ST6GALNAC3: variants seen among roughly 807,000 people sequenced by gnomAD.
ST6GALNAC3 encodes the protein ST6 N-acetylgalactosaminide alpha-2,6-sialyltransferase 3.
ST6GALNAC3 carries 25 observed loss-of-function variants against 32.7 expected under a neutral mutation model. The ratio of observed to expected loss-of-function variants is 0.76; its 90% CI spans 0.56 to 1.07. ST6GALNAC3 has a LOEUF of 1.07. Among genes scored for constraint, ST6GALNAC3 ranks in the 50% least tolerant of loss-of-function variants. The pLI, the probability that ST6GALNAC3 is intolerant of heterozygous loss-of-function variation, is 0.00. For missense variants in ST6GALNAC3, 355 were observed against 382.4 expected, an observed-to-expected ratio of 0.93 and a Z score of 0.60; for synonymous variants, 129 against 133.1, an observed-to-expected ratio of 0.97 and a Z score of 0.21.
chr1:76,339,571 G>A (rs186552553), intron 2 of ST6GALNAC3, among the ~76,000 whole-genome samples: 1 of 152,238 alleles, frequency 6.6e-6, no homozygotes, highest in East Asian at 1.9e-4. Context: ...AATGCATTAA[G>A]GAAGGCATTT....
intron 1 of ST6GALNAC3, among the ~76,000 whole-genome samples, chr1:76,244,138 A>T (rs1047432343): frequency 1.3e-5 from 2 of 151,816 alleles, no homozygotes; most frequent in Non-Finnish European, 2.9e-5. Flanking sequence ...AGTGGTTTGT[A>T]GTTCTTCTTG....
intron 1 of ST6GALNAC3, among the ~76,000 whole-genome samples, chr1:76,299,158 G>A (rs1186084319): frequency 6.6e-6 from 1 of 152,076 alleles, no homozygotes; most frequent in African/African-American, 2.4e-5. Flanking sequence ...TGTAAATTAT[G>A]TGTTTTCGAA....
At chr1:76,308,222 A>C (rs530707614) in intron 1 of ST6GALNAC3, among the ~76,000 whole-genome samples, 1 of 152,284 alleles carries the variant, frequency 6.6e-6, no homozygotes, top group South Asian at 2.1e-4. Flanking sequence ...TGGTCTGACC[A>C]GTGCTCAACA....
intron 1 of ST6GALNAC3, among the ~76,000 whole-genome samples, chr1:76,254,480 G>A (rs943868225): frequency 6.6e-6 from 1 of 152,072 alleles, no homozygotes; most frequent in African/African-American, 2.4e-5. Flanking sequence ...GTAAGCAGTG[G>A]GCAGAGTTTA....
chr1:76,383,104 G>A (rs1307932546), intron 2 of ST6GALNAC3, among the ~76,000 whole-genome samples: 1 of 152,164 alleles, frequency 6.6e-6, no homozygotes, highest in African/African-American at 2.4e-5. Context: ...GAATCCAGAA[G>A]TCGATGAAGT....
intron 1 of ST6GALNAC3, among the ~76,000 whole-genome samples, chr1:76,215,337 T>C (rs974496840): frequency 6.6e-6 from 1 of 152,216 alleles, no homozygotes; most frequent in Non-Finnish European, 1.5e-5. Context: ...CACTGTGTGA[T>C]GTGGCTGCCA....
intron 1 of ST6GALNAC3, chr1:76,309,869 G>A (rs1195088936): frequency 2.3e-6 from 1 of 442,490 alleles, no homozygotes; most frequent in Non-Finnish European, 4.5e-6. Flanking sequence ...CCCTTTGATA[G>A]AACATGAGAG....
intron 2 of ST6GALNAC3, among the ~76,000 whole-genome samples, chr1:76,367,308 G>A (rs185682646): frequency 1.3e-5 from 2 of 152,258 alleles, no homozygotes; most frequent in South Asian, 2.1e-4. Context: ...AATGGTGAAG[G>A]ATTCAGCTTT....
At chr1:76,225,892 A>G (rs1294008205) in intron 1 of ST6GALNAC3, among the ~76,000 whole-genome samples, 1 of 152,148 alleles carries the variant, frequency 6.6e-6, no homozygotes, top group Non-Finnish European at 1.5e-5. Context: ...TACTAGCCTC[A>G]TTTCACTGGA....
chr1:76,526,673 G>A (rs315083), intron 3 of ST6GALNAC3, among the ~76,000 whole-genome samples: 86,528 of 151,926 alleles, frequency 0.57, 25,127 homozygotes, highest in African/African-American at 0.69. Flanking sequence ...TTCACTTTCA[G>A]CTACTTTCTT....
At chr1:76,421,755 A>G (rs1264592565) in intron 3 of ST6GALNAC3, among the ~76,000 whole-genome samples, 2 of 152,028 alleles carry the variant, frequency 1.3e-5, no homozygotes, top group Non-Finnish European at 2.9e-5. Flanking sequence ...CTTTCAACCA[A>G]CTGCATAAAT....
intron 1 of ST6GALNAC3, among the ~76,000 whole-genome samples, chr1:76,309,110 G>GT (rs1646700896): frequency 1.3e-5 from 2 of 152,120 alleles, no homozygotes; most frequent in South Asian, 4.2e-4. Flanking sequence ...TCCCTGAACT[G>GT]TTCCTCCTAT....
chr1:76,311,144 C>T (rs1646754213), intron 1 of ST6GALNAC3, among the ~76,000 whole-genome samples: 1 of 152,102 alleles, frequency 6.6e-6, no homozygotes, highest in African/African-American at 2.4e-5. Flanking sequence ...TTTCATCCCT[C>T]ATTACCTCTG....
At chr1:76,637,123 T>TC (rs1649523288), downstream of ST6GALNAC3, 1 of 152,224 alleles carries the variant, frequency 6.6e-6, no homozygotes, top group African/African-American at 2.4e-5. Context: ...CACCATGCAT[T>TC]GTTGAGAGTT....
At position 76,321,152 on chromosome 1, in the gene ST6GALNAC3, T is replaced by A. The variant is rs144859462; in HGVS notation, c.213+7153T>A. On this transcript the variant is annotated intron_variant, in intron 2 of 4. Transcript: ENST00000328299. ...TCAAGTGATTGGTTGAGGGGTGGGC[T>A]CATGGCCCAAGATGAGCCATTCTGA... Among the ~76,000 whole-genome samples, 83 of 152,186 alleles carry A rather than the reference T, an allele frequency of 5.5e-4. No homozygotes were observed. In the East Asian group the frequency reaches 0.01, roughly 19 times the overall value.
At chr1:76,400,036 A>G (rs1653284693) in intron 2 of ST6GALNAC3, among the ~76,000 whole-genome samples, 1 of 151,950 alleles carries the variant, frequency 6.6e-6, no homozygotes, top group African/African-American at 2.4e-5. Flanking sequence ...TTATTTTTTC[A>G]TGACCTCAGT....
intron 1 of ST6GALNAC3, among the ~76,000 whole-genome samples, chr1:76,293,886 C>T (rs1038668763): frequency 2.6e-5 from 4 of 151,988 alleles, no homozygotes; most frequent in African/African-American, 9.7e-5. Flanking sequence ...GAGGGGTATA[C>T]ACATATGCAC....
At chr1:76,363,945 G>T (rs1209665777) in intron 2 of ST6GALNAC3, among the ~76,000 whole-genome samples, 4 of 152,060 alleles carry the variant, frequency 2.6e-5, no homozygotes, top group Non-Finnish European at 5.9e-5. Context: ...TCATGATTCA[G>T]TCACCTCCCA....
intron 2 of ST6GALNAC3, among the ~76,000 whole-genome samples, chr1:76,337,351 C>T (rs546315270): frequency 7.9e-5 from 12 of 152,290 alleles, no homozygotes; most frequent in African/African-American, 1.7e-4. Flanking sequence ...TAGCAAACCG[C>T]GGAAGCTACT....
Sources: gnomAD v4.1 joint callset for allele counts (sites outside exome capture counted in the v4.1 genomes callset) on GRCh38, gnomAD v4.1.1 for gene constraint, MANE v1.5 for transcripts, NCBI Gene and HGNC (gene_info 2026-07-23, HGNC 2026-07-21) for gene names.